The following GPHN variants were observed in gnomAD, a reference collection of about 807,000 sequenced individuals.
GPHN encodes the protein gephyrin.
A neutral mutation model predicts 95.5 loss-of-function variants in GPHN; 17 were observed. The ratio of observed to expected loss-of-function variants is 0.18; its 90% CI spans 0.12 to 0.27. GPHN has a LOEUF of 0.27. GPHN is among the 10% of genes least tolerant of loss of function. The probability of loss-of-function intolerance (pLI) is 1.00; values close to 1 mark genes in which losing one functional copy is unlikely to be tolerated. For synonymous variants in GPHN, 320 were observed against 322.5 expected, an observed-to-expected ratio of 0.99 and a Z score of 0.08; for missense variants, 660 against 978.1, an observed-to-expected ratio of 0.67 and a Z score of 4.34.
At chr14:66,958,564 A>T (rs1388016821) in intron 8 of GPHN, among the ~76,000 whole-genome samples, 1 of 152,222 alleles carries the variant, frequency 6.6e-6, no homozygotes, top group African/African-American at 2.4e-5. Context: ...TGTTGTTCCT[A>T]GTCCTAGGCT....
At chr14:67,261,812 T>C in the GPHN span, among the ~76,000 whole-genome samples, 2 of 152,080 alleles carry the variant, frequency 1.3e-5, no homozygotes, top group African/African-American at 4.8e-5. Context: ...GTTACCACAA[T>C]CAGGTACTAA....
At chr14:67,706,387 C>T in the GPHN span, 8 of 152,326 alleles carry the variant, frequency 5.3e-5, no homozygotes, top group South Asian at 2.1e-4. Context: ...CGTGTCCCCA[C>T]GACACAGCCT....
rs946094271 is a variant in GPHN at position 66,724,022 on chromosome 14, A to C, written c.143+42837A>C. The stretch of plus-strand genomic sequence containing the variant: ...ACACACACACACACACACACACACA[A>C]ACAGATTCAAATAAAGATCTTACAG... On this transcript the variant is annotated intron_variant, in intron 2 of 22. Coordinates refer to ENST00000478722, the MANE Select transcript of GPHN (RefSeq NM_020806.5). 1.3e-3 allele frequency among the ~76,000 whole-genome samples: 172 copies of C among 132,314 alleles called. 9 individuals carry two copies. The East Asian group carries it at 0.015, about 12-fold the overall frequency. The allele number at this position is 132,314 out of a possible 152,430, so 86.8% of individuals were successfully genotyped here. A position where few individuals can be genotyped will look rare whatever the true frequency, so the allele number is the denominator to read the frequency against.
At chr14:66,528,216 A>G (rs185612219) in intron 1 of GPHN, among the ~76,000 whole-genome samples, 2 of 152,310 alleles carry the variant, frequency 1.3e-5, no homozygotes, top group Admixed American at 6.5e-5. Context: ...ACCATTATGT[A>G]ATGTCCTTCT....
intron 1 of GPHN, among the ~76,000 whole-genome samples, chr14:66,591,711 G>A (rs999975237): frequency 2.0e-5 from 3 of 152,138 alleles, no homozygotes; most frequent in Non-Finnish European, 4.4e-5. Context: ...AATCAATATC[G>A]TGAAAATGAC....
At chr14:67,579,085 T>G in the GPHN span, 13 of 1,363,394 alleles carry the variant, frequency 9.5e-6, no homozygotes, top group Non-Finnish European at 1.3e-5. Context: ...GGTGCCAAAG[T>G]GGCAGAGATG....
the GPHN span, among the ~76,000 whole-genome samples, chr14:67,475,480 T>C: frequency 6.6e-6 from 1 of 152,192 alleles, no homozygotes; most frequent in South Asian, 2.1e-4. Flanking sequence ...TTTTCCACAG[T>C]GGCCACACCA....
At chr14:67,163,923 A>G (rs2153721580) in intron 19 of GPHN, among the ~76,000 whole-genome samples, 1 of 152,158 alleles carries the variant, frequency 6.6e-6, no homozygotes, top group East Asian at 1.9e-4. Flanking sequence ...TCCTATGATA[A>G]GAGTTCATGT....
chr14:67,692,595 T>C, the GPHN span: 4 of 1,559,642 alleles, frequency 2.6e-6, no homozygotes, highest in Non-Finnish European at 3.5e-6. Context: ...CTCGAGCTCC[T>C]GTCAGCCAAC....
At chr14:67,272,655 C>T in the GPHN span, among the ~76,000 whole-genome samples, 30 of 152,210 alleles carry the variant, frequency 2.0e-4, no homozygotes, top group South Asian at 1.0e-3. Context: ...GATTCTGTAA[C>T]CTACATATTG....
At chr14:66,676,561 A>G (rs200112055) in intron 1 of GPHN, among the ~76,000 whole-genome samples, 1 of 151,838 alleles carries the variant, frequency 6.6e-6, no homozygotes, top group South Asian at 2.1e-4. Context: ...AGATGATCAT[A>G]TGATTTGCTT....
At chr14:66,848,774 T>G (rs142204885) in intron 4 of GPHN, among the ~76,000 whole-genome samples, 54 of 151,988 alleles carry the variant, frequency 3.6e-4, no homozygotes, top group Non-Finnish European at 4.3e-4. Flanking sequence ...ACATGCTTTT[T>G]GCAAGAAAAA....
chr14:67,322,164 G>T, the GPHN span, among the ~76,000 whole-genome samples: 4 of 152,004 alleles, frequency 2.6e-5, no homozygotes, highest in African/African-American at 9.7e-5. Flanking sequence ...TGGGCAACAC[G>T]GCAAAGCCCC....
At chr14:67,433,688 A>G in the GPHN span, among the ~76,000 whole-genome samples, 1 of 152,216 alleles carries the variant, frequency 6.6e-6, no homozygotes, top group Non-Finnish European at 1.5e-5. Context: ...AGCAGTCATC[A>G]CTATATTTCA....
intron 13 of GPHN, among the ~76,000 whole-genome samples, chr14:67,103,119 G>A (rs114598506): frequency 2.0e-5 from 3 of 152,070 alleles, no homozygotes; most frequent in Non-Finnish European, 4.4e-5. Context: ...TTGCTCTGTT[G>A]CCCAGCATGA....
chr14:66,800,748 GA>G (rs954620088), intron 3 of GPHN, among the ~76,000 whole-genome samples: 2 of 151,994 alleles, frequency 1.3e-5, no homozygotes, highest in Non-Finnish European at 2.9e-5. Flanking sequence ...CTAGGTTTGG[GA>G]AGTTCTCTGT....
intron 2 of GPHN, among the ~76,000 whole-genome samples, chr14:66,708,934 A>G (rs944903600): frequency 4.6e-5 from 7 of 152,150 alleles, no homozygotes; most frequent in Non-Finnish European, 1.0e-4. Flanking sequence ...AAACATGTGA[A>G]GAACTCTTAA....
the GPHN span, among the ~76,000 whole-genome samples, chr14:67,698,588 T>C: frequency 6.6e-6 from 1 of 152,098 alleles, no homozygotes; most frequent in South Asian, 2.1e-4. Context: ...CAATCAGAAG[T>C]GAGAAACTAC....
At chr14:67,198,088 G>C in the GPHN span, 10 of 1,524,206 alleles carry the variant, frequency 6.6e-6, no homozygotes, top group African/African-American at 1.4e-5. Flanking sequence ...ACTTAATTAT[G>C]ATATTAAATT....
Sources: gnomAD v4.1 joint callset for allele counts (sites outside exome capture counted in the v4.1 genomes callset) on GRCh38, gnomAD v4.1.1 for gene constraint, MANE v1.5 for transcripts, NCBI Gene and HGNC (gene_info 2026-07-23, HGNC 2026-07-21) for gene names.